Variants in HNMT observed in about 807,000 individuals in gnomAD.
HNMT encodes the protein histamine N-methyltransferase.
HNMT carries 30 observed loss-of-function variants against 32.1 expected under a neutral mutation model. The ratio of observed to expected loss-of-function variants is 0.93; its 90% CI spans 0.70 to 1.27. The LOEUF (loss-of-function observed/expected upper bound fraction) is 1.27, where lower values mean the gene tolerates loss of function less well. HNMT is among the 50% of genes most tolerant of loss of function. The pLI, the probability that HNMT is intolerant of heterozygous loss-of-function variation, is 0.00. For synonymous variants in HNMT, 125 were observed against 119.0 expected (o/e 1.05, Z -0.33); for missense variants, 327 against 346.0 (o/e 0.95, Z 0.43).
At chr2:137,975,443 A>G (rs1680258779) in intron 2 of HNMT, among the ~76,000 whole-genome samples, 1 of 152,174 alleles carries the variant, frequency 6.6e-6, no homozygotes, top group Non-Finnish European at 1.5e-5. Flanking sequence ...TTTAGGTACA[A>G]AAGGGAAGGC....
rs577470839 is a variant in HNMT at position 138,014,385 on chromosome 2, G to A, written c.*255G>A. The A allele has an allele frequency of 5.7e-6, 2 of 348,552 alleles. No individual in the cohort carries two copies. The highest frequency in any genetic ancestry group is 9.4e-5 in the South Asian group (1 of 10,682). The allele number at this position is 348,552 out of a possible 1,614,324, so 21.6% of individuals were successfully genotyped here. A position where few individuals can be genotyped will look rare whatever the true frequency, so the allele number is the denominator to read the frequency against. Reference sequence around the variant, plus strand: ...ATAACATAAGCTAGAAAAATTAGATGACTGAATTTCTATGGCATATTGATA... The same window carrying A: ...ATAACATAAGCTAGAAAAATTAGATAACTGAATTTCTATGGCATATTGATA... On this transcript the variant is annotated 3_prime_UTR_variant, in exon 6 of 6. Transcript: ENST00000280097.
At chr2:138,011,377 A>C (rs1044280865) in intron 5 of HNMT, among the ~76,000 whole-genome samples, 15 of 152,240 alleles carry the variant, frequency 9.9e-5, no homozygotes, top group Non-Finnish European at 2.1e-4. Flanking sequence ...TTCATTGAAC[A>C]GAGGTTTTAT....
intron 2 of HNMT, chr2:137,991,840 A>G (rs1412609846): frequency 6.6e-6 from 1 of 152,264 alleles, no homozygotes; most frequent in Non-Finnish European, 1.5e-5. Context: ...GGCCGACTAG[A>G]AACAGCAGCG....
At chr2:137,972,018 C>T (rs190938087) in intron 2 of HNMT, among the ~76,000 whole-genome samples, 1 of 152,202 alleles carries the variant, frequency 6.6e-6, no homozygotes, top group African/African-American at 2.4e-5. Context: ...TTCTAGTGCC[C>T]CATGAATGAG....
intron 2 of HNMT, among the ~76,000 whole-genome samples, chr2:137,996,509 A>G (rs1034023922): frequency 2.0e-5 from 3 of 152,170 alleles, no homozygotes; most frequent in African/African-American, 7.2e-5. Context: ...GCATTTTTCA[A>G]GGATATAAGA....
chr2:137,980,596 TAA>T (rs1324603268), intron 2 of HNMT, among the ~76,000 whole-genome samples: 6 of 152,200 alleles, frequency 3.9e-5, no homozygotes, highest in Non-Finnish European at 7.4e-5. Context: ...GCATTTTCTC[TAA>T]GTTTGTGTTT....
chr2:137,974,656 T>C (rs555255789), intron 2 of HNMT, among the ~76,000 whole-genome samples: 2 of 152,154 alleles, frequency 1.3e-5, no homozygotes, highest in African/African-American at 4.8e-5. Flanking sequence ...TGCCAGAAAG[T>C]TTTTTAAGAG....
At chr2:137,998,951 C>T (rs1681079570) in intron 2 of HNMT, among the ~76,000 whole-genome samples, 2 of 152,148 alleles carry the variant, frequency 1.3e-5, no homozygotes, top group Non-Finnish European at 2.9e-5. Context: ...TTCCCATTAG[C>T]CCACAGCTAT....
At chr2:137,981,986 T>C (rs1429453652) in intron 2 of HNMT, among the ~76,000 whole-genome samples, 1 of 152,156 alleles carries the variant, frequency 6.6e-6, no homozygotes, top group Non-Finnish European at 1.5e-5. Flanking sequence ...CCCGAGTAGC[T>C]GAGATTACAG....
At chr2:137,975,192 A>G (rs950271917) in intron 2 of HNMT, among the ~76,000 whole-genome samples, 1 of 152,232 alleles carries the variant, frequency 6.6e-6, no homozygotes, top group African/African-American at 2.4e-5. Flanking sequence ...AAAGAGACCT[A>G]GGTTGCAGTA....
At chr2:137,978,664 GATTAGATAATATAGT>G (rs1680372234) in intron 2 of HNMT, among the ~76,000 whole-genome samples, 1 of 139,374 alleles carries the variant, frequency 7.2e-6, no homozygotes, top group Non-Finnish European at 1.5e-5. Flanking sequence ...CAATACATAT[GATTAGATAATATAGT>G]ATTATACAAT....
chr2:137,997,286 CTAA>C (rs1390238648), intron 2 of HNMT, among the ~76,000 whole-genome samples: 1 of 151,236 alleles, frequency 6.6e-6, no homozygotes, highest in African/African-American at 2.4e-5. Context: ...TGACAAAGAT[CTAA>C]TATCCAGAAT....
intron 2 of HNMT, among the ~76,000 whole-genome samples, chr2:137,997,507 A>G (rs1191364367): frequency 2.6e-5 from 4 of 152,238 alleles, no homozygotes; most frequent in Admixed American, 2.0e-4. Flanking sequence ...GGCAATTATT[A>G]AAACATCAGG....
rs552666996 is a variant in HNMT, at chr2:137,970,665, A to G, written c.190+448A>G. ...GCTGGGCGCGGTGGCTCACGCCTGTAATCCCAGCACTTTGGGAGGCTGAGG... is the reference window on the plus strand; with the variant it reads ...GCTGGGCGCGGTGGCTCACGCCTGTGATCCCAGCACTTTGGGAGGCTGAGG... On this transcript the variant is annotated intron_variant, in intron 2 of 5. Coordinates refer to ENST00000280097, the MANE Select transcript of HNMT (RefSeq NM_006895.3). Among the ~76,000 whole-genome samples the G allele has an allele frequency of 3.3e-5, 5 of 152,256 alleles. No individual in the cohort carries two copies. In the South Asian group the frequency reaches 1.0e-3, roughly 32 times the overall value.
At chr2:137,987,067 A>G (rs1194990204) in intron 2 of HNMT, among the ~76,000 whole-genome samples, 1 of 152,234 alleles carries the variant, frequency 6.6e-6, no homozygotes, top group Non-Finnish European at 1.5e-5. Context: ...AATCATCAAA[A>G]TTATTTCTCT....
At chr2:137,968,909 T>C (rs1489304077) in intron 1 of HNMT, among the ~76,000 whole-genome samples, 1 of 152,170 alleles carries the variant, frequency 6.6e-6, no homozygotes, top group Non-Finnish European at 1.5e-5. Flanking sequence ...TCCTTTTCCC[T>C]TCATGGTTCT....
At chr2:138,002,316 A>T in intron 4 of HNMT, 122 bp downstream of exon 4, 1 of 1,118,160 alleles carries the variant, frequency 8.9e-7, no homozygotes, top group Non-Finnish European at 1.2e-6. Flanking sequence ...CTAATTTTAC[A>T]AGTGACCATG....
chr2:137,987,661 T>C (rs572726473), intron 2 of HNMT, among the ~76,000 whole-genome samples: 2 of 150,294 alleles, frequency 1.3e-5, no homozygotes, highest in South Asian at 2.1e-4. Flanking sequence ...TGGCTTATGG[T>C]TCTATAGGGT....
intron 1 of HNMT, 126 bp downstream of exon 1, chr2:137,964,754 C>G (rs75775540): frequency 4.6e-6 from 4 of 866,422 alleles, no homozygotes; most frequent in African/African-American, 1.7e-5. Context: ...ATAGCAGCTC[C>G]CCGTCGTCCC....
Sources: allele counts gnomAD v4.1 joint callset (sites outside exome capture counted in the v4.1 genomes callset), GRCh38; gene constraint gnomAD v4.1.1; transcripts MANE v1.5; gene names NCBI Gene and HGNC (gene_info 2026-07-23, HGNC 2026-07-21).